Variants in FER1L5 observed in about 807,000 individuals in gnomAD.
The protein encoded by FER1L5 is fer-1-like protein 5.
FER1L5 carries 187 observed loss-of-function variants against 279.9 expected under a neutral mutation model. The ratio of observed to expected loss-of-function variants is 0.67; its 90% CI spans 0.59 to 0.75. FER1L5 has a LOEUF of 0.75. Ranked by LOEUF, FER1L5 falls within the 30% of genes least tolerant of loss-of-function variation. The pLI, the probability that FER1L5 is intolerant of heterozygous loss-of-function variation, is 0.00. For synonymous variants in FER1L5, 921 were observed against 989.7 expected (o/e 0.93, Z 1.30); for missense variants, 2,091 against 2,594.4 (o/e 0.81, Z 4.21).
Position 96,703,138 on chromosome 2 carries a change from T to C in FER1L5, c.5498-15T>C, listed in dbSNP as rs1242522123. On this transcript the variant is annotated splice_polypyrimidine_tract_variant and intron_variant, in intron 49 of 52. Transcript: ENST00000624922. ...AGGGAGCTCCTTCTTGCTGATGTCATTTTTCTGGGCTCAGGGGTCCTGGAG... is the reference window on the plus strand; with the variant it reads ...AGGGAGCTCCTTCTTGCTGATGTCACTTTTCTGGGCTCAGGGGTCCTGGAG... The C allele has an allele frequency of 6.2e-7, 1 of 1,612,428 alleles. No individual in the cohort carries two copies. The highest frequency in any genetic ancestry group is 2.2e-5 in the East Asian group (1 of 44,840).
rs946692905 is a variant in FER1L5 at position 96,685,403 on chromosome 2, G to C, written c.1869G>C (p.Leu623=). 6.4e-7 allele frequency: 1 copy of C among 1,550,966 alleles called. No homozygotes were observed. The highest frequency in any genetic ancestry group is 8.7e-7 in the Non-Finnish European group (1 of 1,146,834). Residue 623 remains leucine, a synonymous_variant, in exon 21 of 53, where the codon CTG becomes CTC. Transcript: ENST00000624922. ...DPALLYQWEK[L]LRELAEDCKR... is the part of the protein sequence containing the mutation. ...CTCTCCTCTACCAGTGGGAGAAACT[G>C]CTGAGGGAGCTGGCAGAGGACTGCA... is the stretch of plus-strand genomic sequence containing the variant.
intron 27 of FER1L5, among the ~76,000 whole-genome samples, chr2:96,690,846 G>A (rs377486991): frequency 6.6e-6 from 1 of 152,212 alleles, no homozygotes; most frequent in Non-Finnish European, 1.5e-5. Flanking sequence ...AGGCTATCAC[G>A]TGATGGCTGA....
At position 96,694,541 on chromosome 2, in the gene FER1L5, TCCTC is replaced by T. The variant is rs2077289084; in HGVS notation, c.3741+81_3741+84del. ...GGAGTGCGCTGCAGCCTTCTGCTGG[TCCTC>T]CCTGACTACTGGATCCAAAGCTCAC... On this transcript the variant is annotated intron_variant, in intron 34 of 52. Transcript: ENST00000624922. The surrounding 1 kb of genome is among the most constrained non-coding windows in gnomAD (Gnocchi z 4.6). The T allele has an allele frequency of 5.0e-6, 6 of 1,189,564 alleles. No homozygotes were observed. Among genetic ancestry groups the T allele is most frequent in the African/African-American group, 1.6e-5 (1 of 64,508 alleles). The allele number at this position is 1,189,564 out of a possible 1,614,324, so 73.7% of individuals were successfully genotyped here. A position where few individuals can be genotyped will look rare whatever the true frequency, so the allele number is the denominator to read the frequency against.
rs1442078104 is a variant in FER1L5, at chr2:96,670,061, G to C, written c.1363-58G>C. On this transcript the variant is annotated intron_variant, in intron 17 of 52. Transcript: ENST00000624922. ...TCTTTGCCTCAGGGGTTTCAAAGGAGATTGGCCTGTTCTTTTTCTCTCACC... is the reference window on the plus strand; with the variant it reads ...TCTTTGCCTCAGGGGTTTCAAAGGACATTGGCCTGTTCTTTTTCTCTCACC... 23 of 1,547,708 alleles carry C rather than the reference G, an allele frequency of 1.5e-5. No individual in the cohort carries two copies. In the Admixed American group the frequency reaches 4.5e-4, roughly 30 times the overall value.
intron 5 of FER1L5, 83 bp from the exon 6 acceptor site, chr2:96,650,097 G>A: frequency 1.9e-6 from 2 of 1,078,710 alleles, no homozygotes; most frequent in Non-Finnish European, 2.8e-6. Flanking sequence ...TGGTCACTGG[G>A]GACAGAATGA....
Position 96,649,695 on chromosome 2 carries a change from G to T in FER1L5, c.394+18G>T, listed in dbSNP as rs1416748329. On this transcript the variant is annotated intron_variant, in intron 5 of 52. Coordinates refer to ENST00000624922, the MANE Select transcript of FER1L5 (RefSeq NM_001293083.2). ...GAAGACAGGTATGTCCTTCCCTGGA[G>T]CTTACCCTTAAGGGCCTACCCTGCC... 2 of 1,551,242 alleles carry T rather than the reference G, an allele frequency of 1.3e-6. No individual in the cohort carries two copies. The highest frequency in any genetic ancestry group is 1.7e-6 in the Non-Finnish European group (2 of 1,146,848).
intron 14 of FER1L5, among the ~76,000 whole-genome samples, chr2:96,664,015 T>C (rs1262601691): frequency 6.6e-6 from 1 of 152,050 alleles, no homozygotes; most frequent in Admixed American, 6.6e-5. Context: ...ATCACCTACT[T>C]ATTTGAGCAA....
At position 96,691,628 on chromosome 2, in the gene FER1L5, C is replaced by T. The variant is rs887640666; in HGVS notation, c.3075+16C>T. On this transcript the variant is annotated intron_variant, in intron 29 of 52. Transcript: ENST00000624922. The surrounding 1 kb of genome is among the most constrained non-coding windows in gnomAD (Gnocchi z 6.0). ...GGGGTCCTTGGTAAAGCCTCACAGG[C>T]TGGGTGATGCCTGCCTGTAACCCCA... 9 of 1,511,432 alleles carry T rather than the reference C, an allele frequency of 6.0e-6. No homozygotes were observed. Among genetic ancestry groups the T allele is most frequent in the Non-Finnish European group, 8.0e-6 (9 of 1,126,618 alleles). The allele number at this position is 1,511,432 out of a possible 1,614,324, so 93.6% of individuals were successfully genotyped here. A position where few individuals can be genotyped will look rare whatever the true frequency, so the allele number is the denominator to read the frequency against.
Position 96,686,237 on chromosome 2 carries a change from A to C in FER1L5, c.2116A>C (p.Lys706Gln). ...TGACGTGATGATTTGGCTGGTGGCC[A>C]AGGAGCAGCGAGTGGCCTATGCACA... ...LPDVMIWLVA[K>Q]EQRVAYAQVP... The change falls in exon 23 of 53, where the codon AAG (lysine) becomes CAG (glutamine). Residue 706 changes from lysine (K) to glutamine (Q), a missense_variant. Transcript: ENST00000624922. 6.4e-7 allele frequency: 1 copy of C among 1,551,408 alleles called. No individual in the cohort carries two copies. The highest frequency in any genetic ancestry group is 8.7e-7 in the Non-Finnish European group (1 of 1,146,800).
intron 13 of FER1L5, among the ~76,000 whole-genome samples, chr2:96,662,473 C>T (rs950605759): frequency 6.6e-6 from 1 of 152,098 alleles, no homozygotes; most frequent in African/African-American, 2.4e-5. Context: ...AAACCAAATA[C>T]ACGTGGAAGA....
At chr2:96,683,143 C>G (rs981416426) in intron 19 of FER1L5, among the ~76,000 whole-genome samples, 6 of 152,132 alleles carry the variant, frequency 3.9e-5, no homozygotes, top group Admixed American at 2.0e-4. Context: ...GTTTGGAGTT[C>G]GTGATCTGCA....
At chr2:96,680,894 C>A (rs569621725) in intron 19 of FER1L5, among the ~76,000 whole-genome samples, 2 of 152,264 alleles carry the variant, frequency 1.3e-5, no homozygotes, top group East Asian at 3.9e-4. Flanking sequence ...TAAATGCAGC[C>A]CAAAACACTT....
At chr2:96,695,040 T>C (rs2077313190) in intron 34 of FER1L5, 1 of 156,990 alleles carries the variant, frequency 6.4e-6, no homozygotes, top group Non-Finnish European at 1.4e-5. Flanking sequence ...AGGGTGCAGC[T>C]ATTTCCTGGC....
intron 6 of FER1L5, among the ~76,000 whole-genome samples, chr2:96,651,053 A>G (rs2075340364): frequency 6.6e-6 from 1 of 152,154 alleles, no homozygotes; most frequent in Non-Finnish European, 1.5e-5. Flanking sequence ...TTATCATGCC[A>G]AGCACCTTCT....
At chr2:96,703,682 G>T in intron 51 of FER1L5, 50 bp downstream of exon 51, 1 of 1,555,534 alleles carries the variant, frequency 6.4e-7, no homozygotes, top group Non-Finnish European at 8.9e-7. Context: ...TCCTCAGTGT[G>T]TATGGGGTGG....
chr2:96,660,838 G>A (rs907425615), intron 10 of FER1L5, among the ~76,000 whole-genome samples: 1 of 152,228 alleles, frequency 6.6e-6, no homozygotes, highest in East Asian at 1.9e-4. Context: ...ATAGGCATGA[G>A]CCACCACACC....
intron 14 of FER1L5, among the ~76,000 whole-genome samples, 156 bp from the exon 15 acceptor site, chr2:96,668,595 G>C (rs1194657046): frequency 1.3e-5 from 2 of 152,104 alleles, no homozygotes; most frequent in Non-Finnish European, 2.9e-5. Flanking sequence ...CGATTCGCTT[G>C]GTTCAAAATC....
rs781025352 is a variant in FER1L5, at chr2:96,689,341, C to G, written c.2490C>G (p.His830Gln). 6.4e-7 allele frequency: 1 copy of G among 1,550,692 alleles called. No homozygotes were observed. The highest frequency in any genetic ancestry group is 1.2e-5 in the South Asian group (1 of 83,984). ...ATTTCCAACCACCCCTGGGATGGCA[C>G]TGGCAGGACAGCTGGACAGTGGAAC... ...MTDFQPPLGW[H>Q]WQDSWTVEPQ... The change falls in exon 25 of 53, where the codon CAC becomes CAG. Residue 830 changes from histidine to glutamine, a missense_variant. By Grantham distance (24) the His-to-Gln change is conservative. Coordinates refer to ENST00000624922, the MANE Select transcript of FER1L5 (RefSeq NM_001293083.2). The surrounding 1 kb of genome is among the most constrained non-coding windows in gnomAD (Gnocchi z 4.6).
At chr2:96,672,389 T>C (rs10427212) in intron 18 of FER1L5, among the ~76,000 whole-genome samples, 16,170 of 152,146 alleles carry the variant, frequency 0.11, 1,939 homozygotes, top group African/African-American at 0.3. Flanking sequence ...AAAGTAAATT[T>C]TTTTAACGTG....
Sources: allele counts gnomAD v4.1 joint callset (sites outside exome capture counted in the v4.1 genomes callset), GRCh38; gene constraint gnomAD v4.1.1; non-coding constraint Gnocchi (gnomAD v3.1); transcripts MANE v1.5; gene names NCBI Gene and HGNC (gene_info 2026-07-23, HGNC 2026-07-21).